Variants in ZPLD1 observed in about 807,000 individuals in gnomAD.
ZPLD1 encodes the protein zona pellucida-like domain-containing protein 1.
A neutral mutation model predicts 47.2 loss-of-function variants in ZPLD1; 34 were observed. That is an observed-to-expected ratio of 0.72 (90% CI 0.55 to 0.96). The LOEUF is 0.96. Among genes scored for constraint, ZPLD1 ranks in the 40% least tolerant of loss-of-function variants. The pLI, the probability that ZPLD1 is intolerant of heterozygous loss-of-function variation, is 0.00. For missense variants in ZPLD1, 512 were observed against 505.8 expected, an observed-to-expected ratio of 1.01 and a Z score of -0.12; for synonymous variants, 176 against 186.2, an observed-to-expected ratio of 0.95 and a Z score of 0.45.
At chr3:102,422,900 G>T (rs1301407924) in intron 8 of ZPLD1, among the ~76,000 whole-genome samples, 2 of 151,956 alleles carry the variant, frequency 1.3e-5, no homozygotes, top group African/African-American at 4.8e-5. Flanking sequence ...TTCAAGCAGG[G>T]ACATGACATG....
At chr3:102,414,351 T>G (rs1247642006) in intron 7 of ZPLD1, among the ~76,000 whole-genome samples, 1 of 151,844 alleles carries the variant, frequency 6.6e-6, no homozygotes, top group Admixed American at 6.6e-5. Flanking sequence ...ATTATCCAGT[T>G]TGTGGCTTTC....
At chr3:102,402,263 A>T (rs1315737155) in intron 7 of ZPLD1, among the ~76,000 whole-genome samples, 1 of 151,946 alleles carries the variant, frequency 6.6e-6, no homozygotes, top group South Asian at 2.1e-4. Flanking sequence ...ATTTTAAATC[A>T]CTTAAATATC....
At chr3:102,392,891 A>G (rs2107285620) in intron 7 of ZPLD1, among the ~76,000 whole-genome samples, 1 of 152,312 alleles carries the variant, frequency 6.6e-6, no homozygotes, top group Admixed American at 6.5e-5. Context: ...AATAGACTAT[A>G]GTTCAAGAAA....
intron 8 of ZPLD1, among the ~76,000 whole-genome samples, chr3:102,418,535 A>G (rs1380124797): frequency 6.6e-6 from 1 of 151,976 alleles, no homozygotes; most frequent in East Asian, 1.9e-4. Context: ...AGTTTCTTCA[A>G]TCTTGAGGTT....
chr3:102,388,494 A>C (rs1441986195), intron 6 of ZPLD1, among the ~76,000 whole-genome samples: 2 of 145,814 alleles, frequency 1.4e-5, no homozygotes, highest in African/African-American at 2.6e-5. Flanking sequence ...TCTTTCTGTT[A>C]TATGTATATA....
intron 6 of ZPLD1, among the ~76,000 whole-genome samples, chr3:102,461,117 A>G (rs140662365): frequency 2.6e-5 from 4 of 152,124 alleles, no homozygotes; most frequent in Non-Finnish European, 5.9e-5. Context: ...TACTGTCTTA[A>G]ATTATAAAAT....
At chr3:102,393,446 A>C (rs1706523368) in intron 7 of ZPLD1, among the ~76,000 whole-genome samples, 1 of 152,166 alleles carries the variant, frequency 6.6e-6, no homozygotes, top group African/African-American at 2.4e-5. Context: ...AGTGCAGTAA[A>C]AAGAATAAGA....
At chr3:102,456,889 A>C (rs1234674116) in intron 5 of ZPLD1, among the ~76,000 whole-genome samples, 1 of 152,186 alleles carries the variant, frequency 6.6e-6, no homozygotes, top group Non-Finnish European at 1.5e-5. Context: ...GGTGCTCATG[A>C]TTCTCCCAGA....
At chr3:102,413,323 C>T (rs1036593630) in intron 7 of ZPLD1, among the ~76,000 whole-genome samples, 1 of 151,772 alleles carries the variant, frequency 6.6e-6, no homozygotes, top group African/African-American at 2.4e-5. Flanking sequence ...GTCATAGACA[C>T]TTTCTCCAAA....
At chr3:102,400,741 C>T (rs191590924) in intron 7 of ZPLD1, among the ~76,000 whole-genome samples, 16 of 152,142 alleles carry the variant, frequency 1.1e-4, no homozygotes, top group African/African-American at 3.6e-4. Context: ...TTGTCCCACA[C>T]TTCTTCCTAT....
intron 1 of ZPLD1, 66 bp downstream of exon 1, chr3:102,435,220 C>T: frequency 6.4e-7 from 1 of 1,564,400 alleles, no homozygotes; most frequent in Non-Finnish European, 8.8e-7. Flanking sequence ...TACAGTTGAA[C>T]TATAAAGAAG....
rs369331610 is a variant in ZPLD1, at chr3:102,477,033, C to T, written c.1064C>T (p.Ser355Leu). 60 of 1,613,420 alleles carry T rather than the reference C, an allele frequency of 3.7e-5. No individual in the cohort carries two copies. The highest frequency in any genetic ancestry group is 2.9e-4 in the African/African-American group (22 of 74,864). Residue 355 changes from serine (S) to leucine (L), a missense_variant, in exon 11 of 12, where the codon TCG becomes TTG. Physicochemically the swap from Ser to Leu is moderately radical, Grantham distance 145. Coordinates refer to ENST00000466937, the MANE Select transcript of ZPLD1 (RefSeq NM_001329788.2). Reference protein sequence around the residue: ...TRSDETPTNNSQLGSPSMPPF... With the variant: ...TRSDETPTNNLQLGSPSMPPF... ...TCAGATGAGACTCCAACCAACAATT[C>T]GCAACTTGGTAAGATAATTAACATA...
chr3:102,386,172 G>A (rs563777959), intron 6 of ZPLD1, among the ~76,000 whole-genome samples: 2 of 152,120 alleles, frequency 1.3e-5, no homozygotes, highest in Admixed American at 1.3e-4. Context: ...CTAGGAAATA[G>A]CTTCATTTAG....
At chr3:102,387,125 T>C (rs997058117) in intron 6 of ZPLD1, among the ~76,000 whole-genome samples, 13 of 152,182 alleles carry the variant, frequency 8.5e-5, no homozygotes, top group Non-Finnish European at 1.8e-4. Context: ...CATCATTCTT[T>C]CCTGTAAATT....
chr3:102,412,630 G>C (rs1403335792), intron 7 of ZPLD1, among the ~76,000 whole-genome samples: 2 of 151,720 alleles, frequency 1.3e-5, no homozygotes, highest in Non-Finnish European at 2.9e-5. Flanking sequence ...TTCCAAGGAG[G>C]AAGAATAAGT....
At chr3:102,458,963 A>G (rs920598696) in intron 6 of ZPLD1, among the ~76,000 whole-genome samples, 15 of 151,556 alleles carry the variant, frequency 9.9e-5, no homozygotes, top group East Asian at 3.9e-4. Flanking sequence ...GGTGGCGGGC[A>G]CCTGTAGTCC....
At chr3:102,463,587 A>G (rs572780676) in intron 7 of ZPLD1, among the ~76,000 whole-genome samples, 2 of 152,202 alleles carry the variant, frequency 1.3e-5, no homozygotes, top group South Asian at 4.1e-4. Context: ...CTTTTTAAAA[A>G]CTTGTATGGG....
intron 7 of ZPLD1, among the ~76,000 whole-genome samples, chr3:102,410,776 C>G (rs2107298785): frequency 6.6e-6 from 1 of 151,828 alleles, no homozygotes; most frequent in East Asian, 1.9e-4. Context: ...AGAACTGGCC[C>G]AGGAATCCAA....
intron 11 of ZPLD1, 116 bp downstream of exon 11, chr3:102,477,157 A>C (rs756466775): frequency 1.7e-4 from 201 of 1,159,268 alleles, no homozygotes; most frequent in Non-Finnish European, 2.4e-4. Flanking sequence ...ATTTTAGATA[A>C]CAGTTCACTG....
Sources: gnomAD v4.1 joint callset for allele counts (sites outside exome capture counted in the v4.1 genomes callset) on GRCh38, gnomAD v4.1.1 for gene constraint, MANE v1.5 for transcripts, NCBI Gene and HGNC (gene_info 2026-07-23, HGNC 2026-07-21) for gene names.